Variants in ANGPTL2 observed in about 807,000 individuals in gnomAD.
ANGPTL2 encodes the protein angiopoietin-related protein 2.
In ANGPTL2, 25 loss-of-function variants were observed where a neutral mutation model predicts 52.8. The observed-to-expected ratio is 0.47, with a 90% confidence interval of 0.35 to 0.66. The LOEUF (loss-of-function observed/expected upper bound fraction) is 0.66, where lower values mean the gene tolerates loss of function less well. Ranked by LOEUF, ANGPTL2 falls within the 30% of genes least tolerant of loss-of-function variation. The pLI, the probability that ANGPTL2 is intolerant of heterozygous loss-of-function variation, is 0.01. For missense variants in ANGPTL2, 546 were observed against 656.9 expected (o/e 0.83, Z 1.84); for synonymous variants, 276 against 277.4 (o/e 1.00, Z 0.05).
At chr9:127,113,916 G>T (rs2055126505) in intron 1 of ANGPTL2, among the ~76,000 whole-genome samples, 1 of 152,248 alleles carries the variant, frequency 6.6e-6, no homozygotes, top group African/African-American at 2.4e-5. Flanking sequence ...GGGCCACTTT[G>T]TGGGAAGAGC....
intron 2 of ANGPTL2, among the ~76,000 whole-genome samples, chr9:127,099,958 C>G (rs2053556708): frequency 6.6e-6 from 1 of 152,222 alleles, no homozygotes; most frequent in Non-Finnish European, 1.5e-5. Context: ...CCTAAAAAGA[C>G]TTACTGGCTC....
At position 127,113,790 on chromosome 9, in the gene ANGPTL2, T is replaced by C. The variant is rs559075238; in HGVS notation, c.-49-5010A>G. 1.4e-3 allele frequency among the ~76,000 whole-genome samples: 210 copies of C among 152,282 alleles called. 2 individuals carry two copies. Among genetic ancestry groups the C allele is most frequent in the African/African-American group, 4.8e-3 (198 of 41,572 alleles). On this transcript the variant is annotated intron_variant, in intron 1 of 4. Coordinates refer to ENST00000373425, the MANE Select transcript of ANGPTL2 (RefSeq NM_012098.3). ...GGAGGCAGCCTCTCCAGGGCTTGGG[T>C]CCCACCCAGTCTCCGGTGGGCTGCC... is the stretch of plus-strand genomic sequence containing the variant.
At chr9:127,116,845 G>A (rs2055482492) in intron 1 of ANGPTL2, among the ~76,000 whole-genome samples, 1 of 152,196 alleles carries the variant, frequency 6.6e-6, no homozygotes, top group Non-Finnish European at 1.5e-5. Flanking sequence ...GCAAACAAAG[G>A]TAAGGGATGA....
rs2056218543 is a variant in ANGPTL2, at chr9:127,122,481, C to T, written c.-216G>A. 2 of 152,572 alleles carry T rather than the reference C, an allele frequency of 1.3e-5. No homozygotes were observed. The highest frequency in any genetic ancestry group is 1.5e-5 in the Non-Finnish European group (1 of 68,346). 9.5% of individuals were successfully genotyped at this position (152,572 alleles called of 1,614,324 possible). A position where few individuals can be genotyped will look rare whatever the true frequency, so the allele number is the denominator to read the frequency against. On this transcript the variant is annotated 5_prime_UTR_variant, in exon 1 of 5. Transcript: ENST00000373425. This position sits in a 1 kb window ranked among gnomAD's most constrained non-coding sequence, Gnocchi z 6.4. Reference sequence around the variant, plus strand: ...ACTGGCTCTGCCTCCACAGAGGGCTCCGGCAGAGGCTGGGGCCAGGGCTGG... The same window carrying T: ...ACTGGCTCTGCCTCCACAGAGGGCTTCGGCAGAGGCTGGGGCCAGGGCTGG...
chr9:127,098,620 C>A (rs146108704), intron 2 of ANGPTL2, among the ~76,000 whole-genome samples: 195 of 152,290 alleles, frequency 1.3e-3, no homozygotes, highest in Non-Finnish European at 2.2e-3. Flanking sequence ...CCGGACCCCA[C>A]TGCCATACCC....
rs2054484495 is a variant in ANGPTL2 at position 127,108,531 on chromosome 9, A to C, written c.201T>G (p.Gly67=). 1.9e-6 allele frequency: 3 copies of C among 1,612,510 alleles called. No individual in the cohort carries two copies. Among genetic ancestry groups the C allele is most frequent in the Non-Finnish European group, 2.5e-6 (3 of 1,179,644 alleles). ...GCTCCTTGGAGTTGACGCAGATGGC[A>C]CCCGTGACCCGCTGCTGGGGCACAA... The part of the protein sequence containing the change: ...TFIVPQQRVT[G]AICVNSKEPE... The change falls in exon 2 of 5, where the codon GGT becomes GGG. Residue 67 remains glycine (G), a synonymous_variant. Transcript: ENST00000373425.
At chr9:127,120,888 T>G (rs1248295009) in intron 1 of ANGPTL2, among the ~76,000 whole-genome samples, 1 of 151,968 alleles carries the variant, frequency 6.6e-6, no homozygotes, top group Non-Finnish European at 1.5e-5. Context: ...CAGTCCTGAT[T>G]GTTGTGGTTT....
At chr9:127,109,681 T>C (rs1272155900) in intron 1 of ANGPTL2, among the ~76,000 whole-genome samples, 1 of 152,238 alleles carries the variant, frequency 6.6e-6, no homozygotes, top group African/African-American at 2.4e-5. Flanking sequence ...ACCTGTGATT[T>C]GCTGGACAGC....
chr9:127,120,545 C>T (rs1390205546), intron 1 of ANGPTL2, among the ~76,000 whole-genome samples: 2 of 152,328 alleles, frequency 1.3e-5, no homozygotes, highest in Admixed American at 6.5e-5. Flanking sequence ...GGTCTCTGGC[C>T]GGGTGCAGTG....
rs1193642050 is a variant in ANGPTL2, at chr9:127,108,786, A to G, written c.-49-6T>C. Reference sequence around the variant, plus strand: ...TGAATAGAATCTATGAAAGCCTGAAAGTAAACAGAGGGGAGAATCAGTGAT... The same window carrying G: ...TGAATAGAATCTATGAAAGCCTGAAGGTAAACAGAGGGGAGAATCAGTGAT... On this transcript the variant is annotated splice_region_variant and splice_polypyrimidine_tract_variant and intron_variant, in intron 1 of 4. Coordinates refer to ENST00000373425, the MANE Select transcript of ANGPTL2 (RefSeq NM_012098.3). 1.3e-6 allele frequency: 2 copies of G among 1,522,544 alleles called. No homozygotes were observed. The highest frequency in any genetic ancestry group is 1.8e-6 in the Non-Finnish European group (2 of 1,130,680). 94.3% of individuals were successfully genotyped at this position (1,522,544 alleles called of 1,614,324 possible).
chr9:127,094,493 C>T (rs1410756137), intron 2 of ANGPTL2, among the ~76,000 whole-genome samples: 2 of 152,230 alleles, frequency 1.3e-5, no homozygotes, highest in Non-Finnish European at 2.9e-5. Flanking sequence ...GACAGTGCTT[C>T]GTGATGACTG....
intron 1 of ANGPTL2, among the ~76,000 whole-genome samples, chr9:127,119,508 CTG>C (rs1438510745): frequency 1.3e-5 from 2 of 152,344 alleles, no homozygotes; most frequent in African/African-American, 2.4e-5. Context: ...AATCACATAA[CTG>C]TGTGACTTTG....
intron 1 of ANGPTL2, 66 bp from the exon 2 acceptor site, chr9:127,108,846 G>T: frequency 8.6e-7 from 1 of 1,164,600 alleles, no homozygotes. Flanking sequence ...TGCCATCAGT[G>T]ATCCCAGCCT....
intron 2 of ANGPTL2, among the ~76,000 whole-genome samples, chr9:127,094,905 A>C (rs561752047): frequency 6.6e-6 from 1 of 152,092 alleles, no homozygotes; most frequent in Non-Finnish European, 1.5e-5. Context: ...CTGCCCATCA[A>C]CTCTGCCCTC....
Position 127,088,965 on chromosome 9 carries a change from G to T in ANGPTL2, c.1456C>A (p.Arg486=). ...TAGTGGAAGGTGTTGGGGTTCGGTCGGATCATCATCACCACTTTCTTGAGT... is the reference window on the plus strand; with the variant it reads ...TAGTGGAAGGTGTTGGGGTTCGGTCTGATCATCATCACCACTTTCTTGAGT... The part of the protein sequence containing the change: ...YSLKKVVMMI[R]PNPNTFH The change falls in exon 5 of 5, where the codon CGA becomes AGA. Residue 486 remains arginine, a synonymous_variant. Transcript: ENST00000373425. 1 of 1,614,156 alleles carries T rather than the reference G, an allele frequency of 6.2e-7. No individual in the cohort carries two copies. Among genetic ancestry groups the T allele is most frequent in the Non-Finnish European group, 8.5e-7 (1 of 1,180,022 alleles).
intron 1 of ANGPTL2, among the ~76,000 whole-genome samples, chr9:127,118,226 A>G (rs1397287040): frequency 6.6e-6 from 1 of 152,110 alleles, no homozygotes; most frequent in Non-Finnish European, 1.5e-5. Context: ...TGATGTGTAC[A>G]TGTGACAGGC....
Position 127,088,767 on chromosome 9 carries a change from C to G in ANGPTL2, c.*172G>C, listed in dbSNP as rs370116348. 3 of 717,704 alleles carry G rather than the reference C, an allele frequency of 4.2e-6. No homozygotes were observed. Among genetic ancestry groups the G allele is most frequent in the African/African-American group, 3.6e-5 (2 of 56,130 alleles). 44.5% of individuals were successfully genotyped at this position (717,704 alleles called of 1,614,324 possible). A position where few individuals can be genotyped will look rare whatever the true frequency, so the allele number is the denominator to read the frequency against. On this transcript the variant is annotated 3_prime_UTR_variant, in exon 5 of 5. Transcript: ENST00000373425. ...GGAAAGTAGGAGGGACAGAAAACAC[C>G]GTATCGATTCAGTTCCATCATCCGC...
intron 1 of ANGPTL2, among the ~76,000 whole-genome samples, chr9:127,110,008 C>G (rs1290029245): frequency 3.3e-5 from 5 of 152,228 alleles, no homozygotes; most frequent in Non-Finnish European, 4.4e-5. Context: ...GGATGGTTTT[C>G]CTATAATCAT....
At chr9:127,092,783 C>T (rs1169534484) in intron 3 of ANGPTL2, among the ~76,000 whole-genome samples, 1 of 151,956 alleles carries the variant, frequency 6.6e-6, no homozygotes, top group Admixed American at 6.6e-5. Context: ...TCTCCCGCTC[C>T]TAATGTAGGT....
Sources: gnomAD v4.1 joint callset for allele counts (sites outside exome capture counted in the v4.1 genomes callset) on GRCh38, gnomAD v4.1.1 for gene constraint, Gnocchi (gnomAD v3.1) non-coding constraint, MANE v1.5 for transcripts, NCBI Gene and HGNC (gene_info 2026-07-23, HGNC 2026-07-21) for gene names.